WNT5A: variants seen among roughly 807,000 people sequenced by gnomAD.
The protein encoded by WNT5A is Wnt family member 5A.
WNT5A carries 9 observed loss-of-function variants against 42.1 expected under a neutral mutation model. That is an observed-to-expected ratio of 0.21 (90% confidence interval 0.13 to 0.37). WNT5A has a LOEUF of 0.37. WNT5A is among the 10% of genes least tolerant of loss of function. The probability of loss-of-function intolerance (pLI) is 1.00; values close to 1 mark genes in which losing one functional copy is unlikely to be tolerated. For synonymous variants in WNT5A, 210 were observed against 210.0 expected, an observed-to-expected ratio of 1.00 and a Z score of 0.00; for missense variants, 426 against 534.0, an observed-to-expected ratio of 0.80 and a Z score of 1.99.
In WNT5A at chr3:55,470,567, G is replaced by A. The variant is rs768457669; in HGVS notation, c.685-17C>T. On this transcript the variant is annotated splice_polypyrimidine_tract_variant and intron_variant, in intron 4 of 4. Coordinates refer to ENST00000264634, the MANE Select transcript of WNT5A (RefSeq NM_003392.7). ...GTACACCGTCTGCAGGGAAATGGGG[G>A]CAATCAATACACACATTCATGGAGG... 2.0e-6 allele frequency: 3 copies of A among 1,499,300 alleles called. No homozygotes were observed. In the South Asian group the frequency reaches 4.0e-5, roughly 20 times the overall value. The allele number at this position is 1,499,300 out of a possible 1,614,324, so 92.9% of individuals were successfully genotyped here.
chr3:55,491,324 C>T (rs1038817770), upstream of WNT5A, among the ~76,000 whole-genome samples: 7 of 152,132 alleles, frequency 4.6e-5, no homozygotes, highest in Admixed American at 2.6e-4. Flanking sequence ...GGTTCATGTT[C>T]GACAGACCTC....
upstream of WNT5A, chr3:55,490,311 C>T (rs1161376537): frequency 6.6e-6 from 1 of 152,194 alleles, no homozygotes; most frequent in Non-Finnish European, 1.5e-5. Flanking sequence ...TCTCCAATTG[C>T]CTTTGCTTGT....
At chr3:55,485,757 GAA>G (rs1185088944) in intron 1 of WNT5A, among the ~76,000 whole-genome samples, 1 of 152,140 alleles carries the variant, frequency 6.6e-6, no homozygotes, top group East Asian at 1.9e-4. Flanking sequence ...AGAGAAGAGA[GAA>G]AAGAGAGGCG....
At chr3:55,491,137 G>C (rs1376002935), upstream of WNT5A, among the ~76,000 whole-genome samples, 1 of 152,174 alleles carries the variant, frequency 6.6e-6, no homozygotes, top group African/African-American at 2.4e-5. Context: ...AGAGGACGGT[G>C]TTAAGGAGAA....
intron 1 of WNT5A, among the ~76,000 whole-genome samples, chr3:55,484,364 G>A (rs1406338205): frequency 6.6e-6 from 1 of 152,204 alleles, no homozygotes; most frequent in Non-Finnish European, 1.5e-5. Context: ...GCGGGTAGGA[G>A]GTCCGCTTTA....
the WNT5A span, among the ~76,000 whole-genome samples, chr3:55,501,409 G>T: frequency 6.6e-6 from 1 of 152,204 alleles, no homozygotes; most frequent in Non-Finnish European, 1.5e-5. Flanking sequence ...ACCTGTGCAC[G>T]CACAGTTTTG....
Position 55,485,410 on chromosome 3 carries a change from G to T in WNT5A, c.6+1570C>A, listed in dbSNP as rs192374932. 2.1e-3 allele frequency among the ~76,000 whole-genome samples: 327 copies of T among 152,142 alleles called. 1 individual carries two copies. Among genetic ancestry groups the T allele is most frequent in the Non-Finnish European group, 4.0e-3 (269 of 67,990 alleles). ...GGACTCTTGGGCCGGGCCTCCTGGG[G>T]AGGGTCTTCCGTTGAGAGGGTCGGG... On this transcript the variant is annotated intron_variant, in intron 1 of 4. Coordinates refer to ENST00000264634, the MANE Select transcript of WNT5A (RefSeq NM_003392.7).
intron 4 of WNT5A, among the ~76,000 whole-genome samples, chr3:55,472,213 G>A (rs2051264775): frequency 6.6e-6 from 1 of 152,114 alleles, no homozygotes; most frequent in Admixed American, 6.5e-5. Flanking sequence ...CTAAAAAAAT[G>A]CAGAAGTGTA....
In WNT5A at chr3:55,474,377, C is replaced by T. The variant is rs1272969340; in HGVS notation, c.644G>A (p.Arg215His). 1.2e-6 allele frequency: 2 copies of T among 1,612,908 alleles called. No individual in the cohort carries two copies. The highest frequency in any genetic ancestry group is 8.5e-7 in the Non-Finnish European group (1 of 1,179,774). ...GTTGTTGTGCAGGTTCATGAGGATG[C>T]GAGCACTCTCGTAGGAGCCCTTGGC... ...IHAKGSYESA[R>H]ILMNLHNNEA... Residue 215 changes from arginine to histidine, a missense_variant, in exon 4 of 5, where the codon CGC becomes CAC. Coordinates refer to ENST00000264634, the MANE Select transcript of WNT5A (RefSeq NM_003392.7).
At chr3:55,496,080 A>G in the WNT5A span, among the ~76,000 whole-genome samples, 1 of 152,284 alleles carries the variant, frequency 6.6e-6, no homozygotes, top group South Asian at 2.1e-4. Flanking sequence ...TTTCATTGTC[A>G]ATATCCCCAA....
At chr3:55,502,639 C>T in the WNT5A span, among the ~76,000 whole-genome samples, 24,628 of 152,108 alleles carry the variant, frequency 0.16, 2,485 homozygotes, top group Non-Finnish European at 0.23. Context: ...TTCATAGAAC[C>T]CATTAAGCTA....
intron 3 of WNT5A, among the ~76,000 whole-genome samples, chr3:55,476,188 A>C (rs2051353878): frequency 6.6e-6 from 1 of 152,228 alleles, no homozygotes; most frequent in Non-Finnish European, 1.5e-5. Flanking sequence ...AGCATCCAGC[A>C]GGCCACCTCA....
chr3:55,479,390 C>G lies in WNT5A; in HGVS notation c.315G>C (p.Gln105His). 1 of 1,613,960 alleles carries G rather than the reference C, an allele frequency of 6.2e-7. No individual in the cohort carries two copies. The highest frequency in any genetic ancestry group is 1.1e-5 in the South Asian group (1 of 91,058). The change falls in exon 3 of 5, where the codon CAG (glutamine) becomes CAC (histidine). Residue 105 changes from glutamine to histidine, a missense_variant. By Grantham distance (24) the Gln-to-His change is conservative. Transcript: ENST00000264634. ...EGAKTGIKEC[Q>H]YQFRHRRWNC... ...TCCACCTTCGATGTCGGAATTGATACTGGCATTCTTTGATGCCTGTCTTCG... is the reference window on the plus strand; with the variant it reads ...TCCACCTTCGATGTCGGAATTGATAGTGGCATTCTTTGATGCCTGTCTTCG...
At position 55,470,272 on chromosome 3, in the gene WNT5A, C is replaced by T. The variant is rs1393864473; in HGVS notation, c.963G>A (p.Gln321=). ...RNESTGSLGT[Q]GRLCNKTSEG... ...CCGACGTCTTGTTGCACAGGCGGCC[C>T]TGCGTGCCCAGCGAGCCGGTGCTCT... Residue 321 remains glutamine (Q), a synonymous_variant, in exon 5 of 5, where the codon CAG becomes CAA. Transcript: ENST00000264634. 5 of 1,613,904 alleles carry T rather than the reference C, an allele frequency of 3.1e-6. No individual in the cohort carries two copies. Among genetic ancestry groups the T allele is most frequent in the Non-Finnish European group, 4.2e-6 (5 of 1,179,926 alleles).
upstream of WNT5A, chr3:55,490,175 G>T (rs1480171711): frequency 6.6e-6 from 1 of 152,242 alleles, no homozygotes; most frequent in Non-Finnish European, 1.5e-5. Context: ...ATTCTATGAA[G>T]AAAAGGGCCG....
At chr3:55,471,895 G>C (rs2051259406) in intron 4 of WNT5A, among the ~76,000 whole-genome samples, 1 of 152,202 alleles carries the variant, frequency 6.6e-6, no homozygotes. Context: ...TCTTCCTCCA[G>C]GGATTCACAG....
Position 55,474,271 on chromosome 3 carries a change from C to T in WNT5A, c.684+66G>A, listed in dbSNP as rs1487419998. 3 of 1,599,322 alleles carry T rather than the reference C, an allele frequency of 1.9e-6. No homozygotes were observed. In the African/African-American group the frequency reaches 4.0e-5, roughly 21 times the overall value. On this transcript the variant is annotated intron_variant, in intron 4 of 4. Coordinates refer to ENST00000264634, the MANE Select transcript of WNT5A (RefSeq NM_003392.7). ...AGAGGACGGAGCTACAGGGAGAGAC[C>T]CGAGGAGGCTGGAGGGCAAGGTGAG...
At chr3:55,479,758 C>T (rs529893857) in intron 2 of WNT5A, among the ~76,000 whole-genome samples, 194 bp from the exon 3 acceptor site, 9 of 152,134 alleles carry the variant, frequency 5.9e-5, no homozygotes, top group Non-Finnish European at 1.0e-4. Flanking sequence ...AGGTATTGTG[C>T]AGTCCCCATC....
chr3:55,474,496 C>A lies in WNT5A; in HGVS notation c.525G>T (p.Arg175=), dbSNP rs546487800. ...SRAARPKDLP[R]DWLWGGCGDN... ...CGCCGCAGCCGCCCCAGAGCCAGTC[C>A]CGCGGCAGGTCCTTGGGGCGCGCGG... is the stretch of plus-strand genomic sequence containing the variant. The change falls in exon 4 of 5, where the codon CGG becomes CGT. Residue 175 remains arginine, a synonymous_variant. Coordinates refer to ENST00000264634, the MANE Select transcript of WNT5A (RefSeq NM_003392.7). 22 of 1,592,336 alleles carry A rather than the reference C, an allele frequency of 1.4e-5. No individual in the cohort carries two copies. The African/African-American group carries it at 2.3e-4, about 16-fold the overall frequency.
Sources: allele counts gnomAD v4.1 joint callset (sites outside exome capture counted in the v4.1 genomes callset), GRCh38; gene constraint gnomAD v4.1.1; transcripts MANE v1.5; gene names NCBI Gene and HGNC (gene_info 2026-07-23, HGNC 2026-07-21).